The following NKAIN2 variants were observed in gnomAD, a reference collection of about 807,000 sequenced individuals.
The protein encoded by NKAIN2 is sodium/potassium-transporting ATPase subunit beta-1-interacting protein 2.
Under a neutral mutation model 32.6 loss-of-function variants are expected in NKAIN2, and 14 were observed. The ratio of observed to expected loss-of-function variants is 0.43; its 90% CI spans 0.28 to 0.67. The LOEUF is 0.67. Among genes scored for constraint, NKAIN2 ranks in the 30% least tolerant of loss-of-function variants. NKAIN2 has a pLI of 0.17. For synonymous variants in NKAIN2, 80 were observed against 87.2 expected (o/e 0.92, Z 0.46); for missense variants, 198 against 258.3 (o/e 0.77, Z 1.60).
At chr6:124,429,222 A>G (rs1165247116) in intron 3 of NKAIN2, among the ~76,000 whole-genome samples, 2 of 131,488 alleles carry the variant, frequency 1.5e-5, no homozygotes, top group Non-Finnish European at 3.3e-5. Context: ...TTTTTTTTCT[A>G]TTTTTAGTAG....
At chr6:123,945,234 A>G (rs1273794030) in intron 1 of NKAIN2, among the ~76,000 whole-genome samples, 2 of 152,006 alleles carry the variant, frequency 1.3e-5, no homozygotes, top group African/African-American at 4.8e-5. Context: ...GGGTTTACCA[A>G]AGCCTCTAAC....
At chr6:124,625,611 T>TATC (rs1386862116) in intron 3 of NKAIN2, among the ~76,000 whole-genome samples, 1 of 152,256 alleles carries the variant, frequency 6.6e-6, no homozygotes, top group Non-Finnish European at 1.5e-5. Context: ...TTAAATAGCT[T>TATC]ATCTTACTTC....
intron 4 of NKAIN2, among the ~76,000 whole-genome samples, chr6:124,710,532 T>A (rs1775389051): frequency 6.6e-6 from 1 of 152,174 alleles, no homozygotes; most frequent in Non-Finnish European, 1.5e-5. Flanking sequence ...GGTGCGTATA[T>A]ATTTAGGTTA....
intron 1 of NKAIN2, among the ~76,000 whole-genome samples, chr6:124,228,152 T>C (rs1277971408): frequency 1.3e-5 from 2 of 152,210 alleles, no homozygotes; most frequent in Non-Finnish European, 2.9e-5. Flanking sequence ...CTGAATGTTT[T>C]TGGTTCCCCC....
intron 3 of NKAIN2, among the ~76,000 whole-genome samples, chr6:124,544,760 A>G (rs1404893489): frequency 1.3e-5 from 2 of 152,206 alleles, no homozygotes; most frequent in African/African-American, 4.8e-5. Context: ...ATTGGTATTG[A>G]TAATTTGAAA....
intron 1 of NKAIN2, among the ~76,000 whole-genome samples, chr6:123,953,653 T>C (rs1003060262): frequency 6.6e-6 from 1 of 152,120 alleles, no homozygotes; most frequent in African/African-American, 2.4e-5. Flanking sequence ...GTTGGTAGAC[T>C]GGGCTGGGTG....
chr6:124,589,540 G>GA (rs1303187238), intron 3 of NKAIN2, among the ~76,000 whole-genome samples: 16 of 151,700 alleles, frequency 1.1e-4, no homozygotes, highest in Non-Finnish European at 2.1e-4. Context: ...GACTTCCAGG[G>GA]AAAAAAATAA....
intron 1 of NKAIN2, among the ~76,000 whole-genome samples, chr6:124,272,582 G>A (rs1227372469): frequency 6.6e-6 from 1 of 152,174 alleles, no homozygotes; most frequent in Non-Finnish European, 1.5e-5. Flanking sequence ...GTGCAGAAAG[G>A]AACTGTGAAG....
At chr6:124,134,976 TG>T (rs1474158724) in intron 1 of NKAIN2, among the ~76,000 whole-genome samples, 1 of 152,080 alleles carries the variant, frequency 6.6e-6, no homozygotes, top group Non-Finnish European at 1.5e-5. Context: ...CCAGAGGGAT[TG>T]GGGTCCTATC....
chr6:123,953,827 G>C (rs953326041), intron 1 of NKAIN2, among the ~76,000 whole-genome samples: 1 of 152,162 alleles, frequency 6.6e-6, no homozygotes, highest in Non-Finnish European at 1.5e-5. Context: ...GAGCAGCAGC[G>C]ACTGCACTAC....
intron 1 of NKAIN2, among the ~76,000 whole-genome samples, chr6:123,807,533 A>G (rs1275157381): frequency 6.6e-6 from 1 of 152,122 alleles, no homozygotes; most frequent in Non-Finnish European, 1.5e-5. Context: ...CTTCTTATTT[A>G]CTATTTGTAA....
intron 1 of NKAIN2, among the ~76,000 whole-genome samples, chr6:124,126,335 T>C (rs751904970): frequency 2.0e-5 from 3 of 152,220 alleles, no homozygotes; most frequent in African/African-American, 7.2e-5. Flanking sequence ...TTCCTACTTA[T>C]ACAGTAGACA....
intron 1 of NKAIN2, among the ~76,000 whole-genome samples, chr6:124,003,507 C>A (rs1265992260): frequency 6.6e-6 from 1 of 152,178 alleles, no homozygotes; most frequent in Non-Finnish European, 1.5e-5. Flanking sequence ...AAATTCTTCA[C>A]CAAATGCTTT....
chr6:124,792,428 T>A (rs921153418), intron 5 of NKAIN2, among the ~76,000 whole-genome samples: 4 of 152,180 alleles, frequency 2.6e-5, no homozygotes, highest in Admixed American at 2.6e-4. Context: ...ATAATTTATT[T>A]CATATATAAA....
intron 5 of NKAIN2, among the ~76,000 whole-genome samples, chr6:124,808,050 G>C (rs1350090274): frequency 1.3e-5 from 2 of 151,106 alleles, no homozygotes; most frequent in Non-Finnish European, 3.0e-5. Flanking sequence ...AATTCTACCA[G>C]AGGTACAAGG....
intron 3 of NKAIN2, among the ~76,000 whole-genome samples, chr6:124,504,386 T>C (rs1299532287): frequency 2.0e-5 from 3 of 152,190 alleles, no homozygotes; most frequent in Non-Finnish European, 4.4e-5. Flanking sequence ...TCCAATGCCA[T>C]TGTGAGACAG....
intron 3 of NKAIN2, among the ~76,000 whole-genome samples, chr6:124,424,398 G>A (rs770637310): frequency 2.0e-5 from 3 of 152,110 alleles, no homozygotes; most frequent in African/African-American, 7.2e-5. Flanking sequence ...GTGTGTATGT[G>A]TGTGTGTGTG....
chr6:124,059,765 C>G (rs1453778358), intron 1 of NKAIN2, among the ~76,000 whole-genome samples: 1 of 152,120 alleles, frequency 6.6e-6, no homozygotes, highest in African/African-American at 2.4e-5. Context: ...TAGTCTTGAT[C>G]TCTGCTCTAA....
intron 1 of NKAIN2, among the ~76,000 whole-genome samples, chr6:123,862,366 C>T (rs1440760823): frequency 2.0e-5 from 3 of 152,006 alleles, no homozygotes; most frequent in Non-Finnish European, 4.4e-5. Flanking sequence ...TTGCTCTTGC[C>T]CATGTTATCA....
Sources: gnomAD v4.1 joint callset for allele counts (sites outside exome capture counted in the v4.1 genomes callset) on GRCh38, gnomAD v4.1.1 for gene constraint, MANE v1.5 for transcripts, NCBI Gene and HGNC (gene_info 2026-07-23, HGNC 2026-07-21) for gene names.